Variants in CHRM3 observed in about 807,000 individuals in gnomAD.
CHRM3 encodes muscarinic acetylcholine receptor M3.
Under a neutral mutation model 41.8 loss-of-function variants are expected in CHRM3, and 11 were observed. That is an observed-to-expected ratio of 0.26 (90% CI 0.17 to 0.44). The LOEUF is 0.44. Among genes scored for constraint, CHRM3 ranks in the 20% least tolerant of loss-of-function variants. The pLI is 1.00. For missense variants in CHRM3, 571 were observed against 745.4 expected (o/e 0.77, Z 2.72); for synonymous variants, 297 against 301.4 (o/e 0.99, Z 0.15).
At chr1:239,714,593 A>G (rs892215275) in intron 5 of CHRM3, among the ~76,000 whole-genome samples, 24 of 152,176 alleles carry the variant, frequency 1.6e-4, no homozygotes, top group Non-Finnish European at 2.8e-4. Flanking sequence ...GCACAAACAC[A>G]TAACACAGCA....
intron 6 of CHRM3, among the ~76,000 whole-genome samples, chr1:239,836,113 C>T (rs1207200800): frequency 6.6e-6 from 1 of 152,380 alleles, no homozygotes; most frequent in East Asian, 1.9e-4. Flanking sequence ...AACTGAGGGG[C>T]ATACTGCCTT....
chr1:239,436,543 G>A (rs975402109), intron 1 of CHRM3, among the ~76,000 whole-genome samples: 5 of 151,798 alleles, frequency 3.3e-5, no homozygotes, highest in East Asian at 1.9e-4. Flanking sequence ...TTGAATCGCC[G>A]GCTCTGCTTG....
chr1:239,657,744 T>C (rs1672840948), intron 4 of CHRM3, among the ~76,000 whole-genome samples: 1 of 152,228 alleles, frequency 6.6e-6, no homozygotes, highest in Non-Finnish European at 1.5e-5. Context: ...TCTTTGAACC[T>C]GAGAAAAATG....
At chr1:239,838,931 T>G (rs1263310109) in intron 6 of CHRM3, among the ~76,000 whole-genome samples, 1 of 152,192 alleles carries the variant, frequency 6.6e-6, no homozygotes, top group Non-Finnish European at 1.5e-5. Flanking sequence ...TAAAATGGAT[T>G]AAGGATGATG....
chr1:239,619,379 T>C (rs1003930078), intron 3 of CHRM3, among the ~76,000 whole-genome samples: 20 of 152,156 alleles, frequency 1.3e-4, no homozygotes, highest in African/African-American at 4.6e-4. Context: ...CTTCCTGCCA[T>C]TGCAGTGAAC....
intron 1 of CHRM3, among the ~76,000 whole-genome samples, chr1:239,489,598 T>G (rs1019126413): frequency 1.3e-5 from 2 of 152,200 alleles, no homozygotes; most frequent in Non-Finnish European, 2.9e-5. Context: ...GAGCTGATCA[T>G]CTATTTATAT....
At chr1:239,877,460 C>T (rs1447802860) in intron 6 of CHRM3, among the ~76,000 whole-genome samples, 3 of 152,064 alleles carry the variant, frequency 2.0e-5, no homozygotes, top group Admixed American at 1.3e-4. Flanking sequence ...AAATGAATGG[C>T]TTTCAACTAC....
intron 1 of CHRM3, among the ~76,000 whole-genome samples, chr1:239,456,846 C>CT (rs977956373): frequency 2.0e-5 from 3 of 152,198 alleles, no homozygotes; most frequent in African/African-American, 7.2e-5. Flanking sequence ...GAAGAGAGCT[C>CT]TGAGCAGAAA....
At chr1:239,446,590 T>A (rs1664171459) in intron 1 of CHRM3, among the ~76,000 whole-genome samples, 1 of 152,222 alleles carries the variant, frequency 6.6e-6, no homozygotes, top group African/African-American at 2.4e-5. Flanking sequence ...ACAGATTTTT[T>A]ATATTTTCAG....
chr1:239,531,591 A>G (rs1670405354), intron 2 of CHRM3, among the ~76,000 whole-genome samples: 2 of 142,198 alleles, frequency 1.4e-5, no homozygotes, highest in South Asian at 2.3e-4. Flanking sequence ...AACAAAAATC[A>G]TGTATGCTAT....
chr1:239,668,953 A>G (rs1455770813), intron 4 of CHRM3, among the ~76,000 whole-genome samples: 1 of 152,188 alleles, frequency 6.6e-6, no homozygotes, highest in Non-Finnish European at 1.5e-5. Context: ...AATTTCTTTA[A>G]AGGGCATCCC....
In CHRM3 at chr1:239,723,699, G is replaced by A. The variant is rs114928900; in HGVS notation, c.-147+45411G>A. On this transcript the variant is annotated intron_variant, in intron 5 of 6. Transcript: ENST00000676153. ...GATTAAATATAATCCCCATCATTTG[G>A]GGCAAATTGTATGAGATGTGTGTAG... is the stretch of plus-strand genomic sequence containing the variant. Among the ~76,000 whole-genome samples the A allele has an allele frequency of 3.7e-3, 558 of 151,896 alleles. 5 individuals carry two copies. Among genetic ancestry groups the A allele is most frequent in the African/African-American group, 0.013 (541 of 41,466 alleles).
chr1:239,432,040 C>T (rs1018180958), intron 1 of CHRM3, among the ~76,000 whole-genome samples: 6 of 152,158 alleles, frequency 3.9e-5, no homozygotes, highest in East Asian at 3.9e-4. Flanking sequence ...CTTCTCATCC[C>T]GGAAGGATGT....
chr1:239,742,457 T>C (rs1664943160), intron 5 of CHRM3, among the ~76,000 whole-genome samples: 2 of 152,144 alleles, frequency 1.3e-5, no homozygotes, highest in African/African-American at 4.8e-5. Flanking sequence ...TGCGGGTGTT[T>C]ACATTCTCCT....
intron 4 of CHRM3, among the ~76,000 whole-genome samples, chr1:239,674,879 C>T (rs972785867): frequency 2.6e-5 from 4 of 151,994 alleles, no homozygotes; most frequent in Admixed American, 2.0e-4. Flanking sequence ...ACTGTTGAAA[C>T]GATTTGGTGA....
At chr1:239,488,606 T>C (rs1025663552) in intron 1 of CHRM3, among the ~76,000 whole-genome samples, 2 of 150,060 alleles carry the variant, frequency 1.3e-5, no homozygotes, top group African/African-American at 2.5e-5. Context: ...TCCCAGCTAC[T>C]TGAGAGGCTG....
At chr1:239,676,800 T>A (rs1164159929) in intron 4 of CHRM3, among the ~76,000 whole-genome samples, 1 of 152,208 alleles carries the variant, frequency 6.6e-6, no homozygotes, top group Non-Finnish European at 1.5e-5. Context: ...TGCAAATGAT[T>A]TCGGGACGAG....
chr1:239,862,403 G>C (rs1016228978), intron 6 of CHRM3, among the ~76,000 whole-genome samples: 1 of 152,068 alleles, frequency 6.6e-6, no homozygotes, highest in African/African-American at 2.4e-5. Flanking sequence ...CCTAAGTAGA[G>C]GTTTATGTTC....
At chr1:239,815,804 G>A (rs564672917) in intron 5 of CHRM3, among the ~76,000 whole-genome samples, 7 of 152,190 alleles carry the variant, frequency 4.6e-5, no homozygotes, top group South Asian at 2.1e-4. Flanking sequence ...ATGGTGCCTC[G>A]GTCTGAGGCT....
Sources: gnomAD v4.1 joint callset for allele counts (sites outside exome capture counted in the v4.1 genomes callset) on GRCh38, gnomAD v4.1.1 for gene constraint, MANE v1.5 for transcripts, NCBI Gene and HGNC (gene_info 2026-07-23, HGNC 2026-07-21) for gene names.